The following RDX variants were observed in gnomAD, a reference collection of about 807,000 sequenced individuals.
RDX encodes radixin.
RDX carries 32 observed loss-of-function variants against 83.7 expected under a neutral mutation model. The ratio of observed to expected loss-of-function variants is 0.38; its 90% CI spans 0.29 to 0.51. The LOEUF is 0.51. RDX is among the 20% of genes least tolerant of loss of function. The probability of loss-of-function intolerance (pLI) is 0.87; values close to 1 mark genes in which losing one functional copy is unlikely to be tolerated. For missense variants in RDX, 600 were observed against 689.9 expected (o/e 0.87, Z 1.46); for synonymous variants, 229 against 222.7 (o/e 1.03, Z -0.25).
chr11:110,245,818 A>T (rs1859084802), intron 10 of RDX, among the ~76,000 whole-genome samples: 1 of 152,242 alleles, frequency 6.6e-6, no homozygotes, highest in African/African-American at 2.4e-5. Context: ...CCTAGTACAC[A>T]CAAGGTGTAT....
At chr11:110,259,301 A>G (rs936416162) in intron 5 of RDX, among the ~76,000 whole-genome samples, 6 of 152,242 alleles carry the variant, frequency 3.9e-5, no homozygotes, top group African/African-American at 1.4e-4. Context: ...CAACATGATT[A>G]TAAGTTACCT....
At chr11:110,211,864 T>C (rs1226595006) in intron 14 of RDX, among the ~76,000 whole-genome samples, 1 of 151,106 alleles carries the variant, frequency 6.6e-6, no homozygotes, top group African/African-American at 2.4e-5. Flanking sequence ...TAGCACTAAA[T>C]GCCCACAAGA....
At chr11:110,255,909 A>C (rs1447838613) in intron 7 of RDX, among the ~76,000 whole-genome samples, 3 of 152,222 alleles carry the variant, frequency 2.0e-5, no homozygotes, top group African/African-American at 7.2e-5. Context: ...ATTTTGAAAG[A>C]ATCTTATGGT....
chr11:110,217,602 T>C (rs1864100879), intron 14 of RDX, among the ~76,000 whole-genome samples: 1 of 152,174 alleles, frequency 6.6e-6, no homozygotes. Context: ...CCTCACCCTC[T>C]ACTCATACAG....
chr11:110,192,927 AT>A (rs1244275397), intron 15 of RDX, among the ~76,000 whole-genome samples: 1 of 152,220 alleles, frequency 6.6e-6, no homozygotes, highest in East Asian at 1.9e-4. Context: ...GGGAATATAA[AT>A]TAGTTCAGCC....
chr11:110,216,222 CTT>C (rs1864046077), intron 14 of RDX, among the ~76,000 whole-genome samples: 1 of 152,116 alleles, frequency 6.6e-6, no homozygotes, highest in East Asian at 1.9e-4. Context: ...GCCTTTCTGT[CTT>C]TTCCATGAAC....
chr11:110,226,672 A>G (rs1260768875), downstream of RDX, among the ~76,000 whole-genome samples: 1 of 152,136 alleles, frequency 6.6e-6, no homozygotes, highest in Non-Finnish European at 1.5e-5. Context: ...TCAACTGTAA[A>G]CTTTTAACTT....
At chr11:110,196,504 A>T (rs999631097) in intron 15 of RDX, among the ~76,000 whole-genome samples, 1 of 152,250 alleles carries the variant, frequency 6.6e-6, no homozygotes, top group Non-Finnish European at 1.5e-5. Flanking sequence ...TGATGTGGAT[A>T]TAAGATGACG....
intron 1 of RDX, among the ~76,000 whole-genome samples, chr11:110,295,669 T>C (rs1160246926): frequency 6.9e-6 from 1 of 145,138 alleles, no homozygotes; most frequent in African/African-American, 2.6e-5. Context: ...AAAAATGCAC[T>C]GCCCCCTTTC....
At chr11:110,187,905 C>G (rs1863018617) in intron 15 of RDX, among the ~76,000 whole-genome samples, 1 of 152,234 alleles carries the variant, frequency 6.6e-6, no homozygotes, top group Non-Finnish European at 1.5e-5. Context: ...TGGCTTTTAC[C>G]CACAAGTGCC....
At chr11:110,233,167 T>G (rs902692909) in intron 13 of RDX, 70 bp downstream of exon 13, 1 of 1,582,558 alleles carries the variant, frequency 6.3e-7, no homozygotes, top group Non-Finnish European at 8.7e-7. Flanking sequence ...TCTTTTTAAC[T>G]AAGTTTGTCT....
chr11:110,182,572 G>A (rs1228132558), intron 15 of RDX, among the ~76,000 whole-genome samples: 1 of 152,204 alleles, frequency 6.6e-6, no homozygotes, highest in African/African-American at 2.4e-5. Context: ...CGGTACTCCA[G>A]CCAGGGTGAC....
At chr11:110,222,129 A>C (rs1403753900) in intron 14 of RDX, among the ~76,000 whole-genome samples, 2 of 152,206 alleles carry the variant, frequency 1.3e-5, no homozygotes, top group African/African-American at 4.8e-5. Flanking sequence ...TTAAATATCT[A>C]ATTTTTAAGA....
rs60138353 is a variant in RDX, at chr11:110,180,955, C to T, written c.*32-5721G>A. Reference sequence around the variant, plus strand: ...TGTGTGGCTCCTTTATCGCTCAGCCCGGTCCTGGGACACACACTCCATGAA... The same window carrying T: ...TGTGTGGCTCCTTTATCGCTCAGCCTGGTCCTGGGACACACACTCCATGAA... On this transcript the variant is annotated intron_variant, in intron 15 of 15. Transcript: ENST00000528498. Among the ~76,000 whole-genome samples the T allele has an allele frequency of 3.0e-3, 450 of 152,226 alleles. 2 individuals carry two copies. The highest frequency in any genetic ancestry group is 9.0e-3 in the African/African-American group (374 of 41,540).
chr11:110,268,883 A>G (rs1452667251), intron 3 of RDX, among the ~76,000 whole-genome samples: 1 of 151,744 alleles, frequency 6.6e-6, no homozygotes, highest in Non-Finnish European at 1.5e-5. Context: ...TAACATAGGT[A>G]TATTTATTTA....
intron 1 of RDX, among the ~76,000 whole-genome samples, chr11:110,294,720 C>CAA (rs112660903): frequency 9.1e-5 from 13 of 142,134 alleles, no homozygotes; most frequent in African/African-American, 3.3e-4. Context: ...ATCACAATTT[C>CAA]AAAAAAAAAA....
intron 10 of RDX, among the ~76,000 whole-genome samples, chr11:110,240,896 A>G (rs1482105153): frequency 6.7e-6 from 1 of 149,030 alleles, no homozygotes; most frequent in Admixed American, 6.7e-5. Context: ...ATCTACTAAA[A>G]ATACAAAAAA....
At chr11:110,268,506 A>T (rs972493792) in intron 3 of RDX, among the ~76,000 whole-genome samples, 6 of 152,214 alleles carry the variant, frequency 3.9e-5, no homozygotes, top group African/African-American at 1.4e-4. Flanking sequence ...TCAAGCTTGG[A>T]GCGGCAGGAG....
At position 110,185,847 on chromosome 11, in the gene RDX, G is replaced by A. The variant is rs965259347; in HGVS notation, c.*32-10613C>T. Among the ~76,000 whole-genome samples the A allele has an allele frequency of 6.6e-5, 10 of 152,192 alleles. No individual in the cohort carries two copies. In the East Asian group the frequency reaches 1.9e-3, roughly 29 times the overall value. ...GAGGTGCTTATGCTTCCTGCAGACA[G>A]CTCATTCCCCAAAGGAAAATCCGGG... On this transcript the variant is annotated intron_variant, in intron 15 of 15. Transcript: ENST00000528498.
Sources: gnomAD v4.1 joint callset for allele counts (sites outside exome capture counted in the v4.1 genomes callset) on GRCh38, gnomAD v4.1.1 for gene constraint, MANE v1.5 for transcripts, NCBI Gene and HGNC (gene_info 2026-07-23, HGNC 2026-07-21) for gene names.